KIAA1217: variants seen among roughly 807,000 people sequenced by gnomAD.
The protein encoded by KIAA1217 is sickle tail protein homolog.
In KIAA1217, 88 loss-of-function variants were observed where a neutral mutation model predicts 163.9. That is an observed-to-expected ratio of 0.54 (90% CI 0.45 to 0.64). The LOEUF is 0.64. Among genes scored for constraint, KIAA1217 ranks in the 30% least tolerant of loss-of-function variants. The pLI is 0.00. For missense variants in KIAA1217, 2,372 were observed against 2,475.0 expected (o/e 0.96, Z 0.88); for synonymous variants, 903 against 923.1 (o/e 0.98, Z 0.39).
rs547232342 is a variant in KIAA1217, at chr10:24,290,244, A to C, written c.354+70335A>C. Among the ~76,000 whole-genome samples the C allele has an allele frequency of 2.6e-5, 4 of 152,292 alleles. No individual in the cohort carries two copies. The East Asian group carries it at 7.7e-4, about 29-fold the overall frequency. ...AGTAGAACTCCCAAATCTTCAATGA[A>C]CAGTGGGCTCATTATCTGCATAAGA... On this transcript the variant is annotated intron_variant, in intron 2 of 20. Transcript: ENST00000376454.
At chr10:23,900,417 G>A (rs1043818617) in intron 1 of KIAA1217, among the ~76,000 whole-genome samples, 8 of 151,826 alleles carry the variant, frequency 5.3e-5, no homozygotes, top group African/African-American at 1.9e-4. Flanking sequence ...TATTTGTGAG[G>A]GATTTCCTGG....
At chr10:23,714,992 T>C (rs1271858141) in intron 1 of KIAA1217, among the ~76,000 whole-genome samples, 1 of 152,202 alleles carries the variant, frequency 6.6e-6, no homozygotes, top group African/African-American at 2.4e-5. Context: ...ATGTGCATCA[T>C]AGCCTATAAT....
chr10:23,933,057 C>T (rs2131315568), intron 1 of KIAA1217, among the ~76,000 whole-genome samples: 1 of 152,250 alleles, frequency 6.6e-6, no homozygotes, highest in East Asian at 1.9e-4. Context: ...AGAGGCTTTG[C>T]CTTAGCATCA....
chr10:23,948,528 G>C (rs1844164717), intron 1 of KIAA1217, among the ~76,000 whole-genome samples: 1 of 152,030 alleles, frequency 6.6e-6, no homozygotes, highest in Non-Finnish European at 1.5e-5. Context: ...AGAGATGATG[G>C]ATGTGTTTCC....
intron 1 of KIAA1217, among the ~76,000 whole-genome samples, chr10:23,926,192 C>T (rs1254676815): frequency 6.6e-6 from 1 of 152,118 alleles, no homozygotes; most frequent in Non-Finnish European, 1.5e-5. Context: ...TCAGTCAGTT[C>T]TCCCACCCAG....
intron 2 of KIAA1217, among the ~76,000 whole-genome samples, chr10:24,131,870 T>C (rs934630604): frequency 1.3e-5 from 2 of 152,182 alleles, no homozygotes; most frequent in African/African-American, 4.8e-5. Context: ...AGCTTGATTT[T>C]AGAAGTGTAT....
chr10:24,053,240 G>A (rs138754385), intron 2 of KIAA1217, among the ~76,000 whole-genome samples: 13 of 151,974 alleles, frequency 8.6e-5, no homozygotes, highest in African/African-American at 3.1e-4. Context: ...CATAAACATT[G>A]GTTAAATATA....
At chr10:24,420,282 GTCCA>G (rs2058626806) in intron 3 of KIAA1217, among the ~76,000 whole-genome samples, 1 of 152,062 alleles carries the variant, frequency 6.6e-6, no homozygotes, top group African/African-American at 2.4e-5. Context: ...TCATTTTTAT[GTCCA>G]TAATTACTAA....
intron 2 of KIAA1217, among the ~76,000 whole-genome samples, chr10:24,075,159 CACACA>C (rs2061330550): frequency 6.7e-6 from 1 of 149,216 alleles, no homozygotes; most frequent in African/African-American, 2.6e-5. Context: ...CACACACACA[CACACA>C]CCCCTTCCTC....
intron 1 of KIAA1217, among the ~76,000 whole-genome samples, chr10:23,880,387 A>G (rs886411931): frequency 3.3e-5 from 5 of 151,958 alleles, no homozygotes; most frequent in African/African-American, 1.2e-4. Flanking sequence ...TATCTGTGGG[A>G]GCTAAAAATT....
chr10:24,386,980 A>T (rs964876063), intron 3 of KIAA1217, among the ~76,000 whole-genome samples: 1 of 152,266 alleles, frequency 6.6e-6, no homozygotes, highest in Non-Finnish European at 1.5e-5. Flanking sequence ...GTAGTTATTG[A>T]AAAGTAATAC....
intron 2 of KIAA1217, among the ~76,000 whole-genome samples, chr10:24,051,099 A>G (rs1469785564): frequency 6.6e-6 from 1 of 152,134 alleles, no homozygotes; most frequent in Non-Finnish European, 1.5e-5. Context: ...CTGAGTTCCC[A>G]AAGTCCATTA....
intron 1 of KIAA1217, among the ~76,000 whole-genome samples, chr10:23,964,218 T>A (rs1244092106): frequency 1.3e-5 from 2 of 151,838 alleles, no homozygotes; most frequent in African/African-American, 4.8e-5. Flanking sequence ...CTGTTTTTCA[T>A]ATGTTTGTTG....
At chr10:24,409,225 T>C (rs2057522174) in intron 3 of KIAA1217, among the ~76,000 whole-genome samples, 1 of 152,198 alleles carries the variant, frequency 6.6e-6, no homozygotes, top group Non-Finnish European at 1.5e-5. Context: ...ACCACTTTAC[T>C]TTTGTACTTA....
At chr10:23,904,487 A>AC (rs1160096153) in intron 1 of KIAA1217, among the ~76,000 whole-genome samples, 3 of 152,188 alleles carry the variant, frequency 2.0e-5, no homozygotes, top group Non-Finnish European at 4.4e-5. Flanking sequence ...GTTATATTGT[A>AC]TTCATGCAAG....
intron 2 of KIAA1217, among the ~76,000 whole-genome samples, chr10:24,164,329 C>T (rs183138668): frequency 6.6e-6 from 1 of 152,330 alleles, no homozygotes; most frequent in African/African-American, 2.4e-5. Context: ...TCTCTAGCCA[C>T]TAATCTTAAG....
intron 1 of KIAA1217, among the ~76,000 whole-genome samples, chr10:23,808,279 G>A (rs1414177795): frequency 6.6e-6 from 1 of 152,172 alleles, no homozygotes; most frequent in Non-Finnish European, 1.5e-5. Flanking sequence ...ACTAAAACAA[G>A]TACAAGGCCT....
At chr10:24,354,810 C>T (rs1181424515) in intron 2 of KIAA1217, among the ~76,000 whole-genome samples, 3 of 130,380 alleles carry the variant, frequency 2.3e-5, no homozygotes, top group Non-Finnish European at 3.0e-5. Context: ...TATATGGGTA[C>T]AGGATAGGGA....
intron 1 of KIAA1217, among the ~76,000 whole-genome samples, chr10:23,993,744 T>C (rs1188346268): frequency 1.3e-5 from 2 of 151,712 alleles, no homozygotes; most frequent in Middle Eastern, 3.4e-3. Context: ...TCATCAAAAA[T>C]ACATTTGGAT....
Sources: allele counts gnomAD v4.1 joint callset (sites outside exome capture counted in the v4.1 genomes callset), GRCh38; gene constraint gnomAD v4.1.1; transcripts MANE v1.5; gene names NCBI Gene and HGNC (gene_info 2026-07-23, HGNC 2026-07-21).